Variants in CEP57 observed in about 807,000 individuals in gnomAD.
The protein encoded by CEP57 is centrosomal protein of 57 kDa.
In CEP57, 40 loss-of-function variants were observed where a neutral mutation model predicts 68.0. The ratio of observed to expected loss-of-function variants is 0.59; its 90% CI spans 0.46 to 0.77. The LOEUF is 0.77. CEP57 is among the 30% of genes least tolerant of loss of function. The pLI is 0.00. For synonymous variants in CEP57, 219 were observed against 198.7 expected, an observed-to-expected ratio of 1.10 and a Z score of -0.86; for missense variants, 606 against 580.7, an observed-to-expected ratio of 1.04 and a Z score of -0.45.
At chr11:95,822,461 G>A in intron 7 of CEP57, 38 bp from the exon 8 acceptor site, 1 of 1,494,664 alleles carries the variant, frequency 6.7e-7, no homozygotes, top group Non-Finnish European at 9.3e-7. Flanking sequence ...ATTATCATGT[G>A]AATAAAATAA....
chr11:95,822,173 T>C (rs1590952098), intron 7 of CEP57, 195 bp downstream of exon 7: 1 of 605,528 alleles, frequency 1.7e-6, no homozygotes, highest in East Asian at 2.8e-5. Context: ...TATATAAGCA[T>C]TTTGGAACTA....
At chr11:95,814,203 C>T (rs1024234133) in intron 4 of CEP57, among the ~76,000 whole-genome samples, 1 of 152,072 alleles carries the variant, frequency 6.6e-6, no homozygotes, top group African/African-American at 2.4e-5. Flanking sequence ...CAGGCGCATG[C>T]CACGATGCCC....
At chr11:95,819,343 CAGA>C (rs899129141) in intron 6 of CEP57, among the ~76,000 whole-genome samples, 5 of 152,184 alleles carry the variant, frequency 3.3e-5, no homozygotes, top group African/African-American at 4.8e-5. Flanking sequence ...GACCAGTTAA[CAGA>C]AGCCACCACA....
chr11:95,794,915 A>G (rs1861275230), intron 1 of CEP57, among the ~76,000 whole-genome samples: 5 of 152,166 alleles, frequency 3.3e-5, no homozygotes, highest in Admixed American at 3.3e-4. Flanking sequence ...TCCCCACACT[A>G]CTTGTTGAAA....
At chr11:95,829,644 C>T (rs567729589) in intron 10 of CEP57, among the ~76,000 whole-genome samples, 5 of 152,104 alleles carry the variant, frequency 3.3e-5, no homozygotes, top group Admixed American at 3.3e-4. Flanking sequence ...AAAGCACCTG[C>T]GAAATTCTGT....
intron 1 of CEP57, among the ~76,000 whole-genome samples, chr11:95,798,172 T>C (rs533231310): frequency 3.0e-4 from 45 of 152,346 alleles, no homozygotes; most frequent in Admixed American, 9.1e-4. Context: ...CTAAGCTCTT[T>C]GTCCCCACTT....
At chr11:95,804,808 A>G (rs1258226209) in intron 2 of CEP57, among the ~76,000 whole-genome samples, 5 of 152,264 alleles carry the variant, frequency 3.3e-5, no homozygotes. Context: ...TTTAAAATCT[A>G]TAGAATTTCA....
chr11:95,824,800 C>T (rs2135362916), intron 8 of CEP57, among the ~76,000 whole-genome samples: 1 of 152,258 alleles, frequency 6.6e-6, no homozygotes, highest in Admixed American at 6.5e-5. Context: ...TCAGGACTGC[C>T]CTTATCTATA....
intron 1 of CEP57, among the ~76,000 whole-genome samples, chr11:95,794,002 C>A (rs1861221424): frequency 6.6e-6 from 1 of 152,164 alleles, no homozygotes; most frequent in South Asian, 2.1e-4. Flanking sequence ...TAGACTAGAT[C>A]TTTAATAAGT....
At chr11:95,790,330 G>A (rs756263186), upstream of CEP57, 4 of 366,156 alleles carry the variant, frequency 1.1e-5, no homozygotes, top group Admixed American at 4.2e-5. Context: ...CCGACCCTCC[G>A]TAGAATCCCC....
intron 6 of CEP57, among the ~76,000 whole-genome samples, chr11:95,819,498 A>G (rs1862433946): frequency 6.6e-6 from 1 of 152,250 alleles, no homozygotes; most frequent in Admixed American, 6.5e-5. Context: ...TAGGAGATAT[A>G]TAGCAAGACT....
At chr11:95,805,779 A>C (rs1347683590) in intron 2 of CEP57, among the ~76,000 whole-genome samples, 3 of 152,186 alleles carry the variant, frequency 2.0e-5, no homozygotes, top group African/African-American at 7.2e-5. Context: ...AATAGAAGAA[A>C]GATCTGAAAC....
intron 1 of CEP57, 143 bp downstream of exon 1, chr11:95,790,886 A>C: frequency 1.0e-6 from 1 of 980,810 alleles, no homozygotes. Context: ...CGCGCTCCCC[A>C]AGCTTCCATT....
intron 2 of CEP57, among the ~76,000 whole-genome samples, chr11:95,800,254 T>C (rs1338248733): frequency 6.6e-6 from 1 of 152,236 alleles, no homozygotes; most frequent in Non-Finnish European, 1.5e-5. Flanking sequence ...TCCTTGTCAT[T>C]GCAGTACTGA....
chr11:95,809,057 A>G (rs1202853598), intron 2 of CEP57, among the ~76,000 whole-genome samples: 1 of 152,194 alleles, frequency 6.6e-6, no homozygotes. Flanking sequence ...CTCACTCAAA[A>G]CCACTCAACT....
Position 95,799,295 on chromosome 11 carries a change from G to A in CEP57, c.109G>A (p.Val37Ile). The change falls in exon 2 of 11, where the codon GTA (valine) becomes ATA (isoleucine). Residue 37 changes from valine (V) to isoleucine (I), a missense_variant. Coordinates refer to ENST00000325542, the MANE Select transcript of CEP57 (RefSeq NM_014679.5). ...GGTTCGGCATTCTTCATCTCCATAT[G>A]TAGTATATCCTTCGGATAAGCCTTT... ...SMVRHSSSPY[V>I]VYPSDKPFLN... is the part of the protein sequence containing the mutation. 1.9e-6 allele frequency: 3 copies of A among 1,614,104 alleles called. No homozygotes were observed. The highest frequency in any genetic ancestry group is 2.5e-6 in the Non-Finnish European group (3 of 1,179,958).
chr11:95,825,019 G>C (rs1375819863), intron 8 of CEP57, among the ~76,000 whole-genome samples: 1 of 152,174 alleles, frequency 6.6e-6, no homozygotes, highest in Admixed American at 6.5e-5. Context: ...ATTGCCCCTA[G>C]CTACCCAGGA....
upstream of CEP57, chr11:95,790,300 CGCTTCTTA>C: frequency 1.0e-5 from 3 of 300,604 alleles, no homozygotes; most frequent in Non-Finnish European, 1.9e-5. Context: ...TACTCGCCCA[CGCTTCTTA>C]CTGGAGGAGG....
chr11:95,826,600 G>GA (rs11356114), intron 8 of CEP57: 5 of 151,376 alleles, frequency 3.3e-5, no homozygotes, highest in Admixed American at 1.3e-4. Context: ...AAAGTTGAAG[G>GA]AAAAAAAAAT....
Sources: allele counts gnomAD v4.1 joint callset (sites outside exome capture counted in the v4.1 genomes callset), GRCh38; gene constraint gnomAD v4.1.1; transcripts MANE v1.5; gene names NCBI Gene and HGNC (gene_info 2026-07-23, HGNC 2026-07-21).